CAMK4: variants seen among roughly 807,000 people sequenced by gnomAD.
The protein encoded by CAMK4 is calcium/calmodulin dependent protein kinase IV, also known as calcium/calmodulin-dependent protein kinase type IV.
CAMK4 carries 22 observed loss-of-function variants against 44.9 expected under a neutral mutation model. The ratio of observed to expected loss-of-function variants is 0.49; its 90% CI spans 0.35 to 0.70. The LOEUF (loss-of-function observed/expected upper bound fraction) is 0.70, where lower values mean the gene tolerates loss of function less well. CAMK4 is among the 30% of genes least tolerant of loss of function. CAMK4 has a pLI of 0.01. For synonymous variants in CAMK4, 218 were observed against 215.4 expected, an observed-to-expected ratio of 1.01 and a Z score of -0.11; for missense variants, 498 against 586.8, an observed-to-expected ratio of 0.85 and a Z score of 1.56.
Position 111,484,261 on chromosome 5 carries a change from C to G in CAMK4, c.1217C>G (p.Ala406Gly). The G allele has an allele frequency of 6.2e-7, 1 of 1,614,058 alleles. No homozygotes were observed. The highest frequency in any genetic ancestry group is 8.5e-7 in the Non-Finnish European group (1 of 1,179,992). ...CAAGCCTTAGAGAAAGTTAAAGGTG[C>G]AGATATAAATGCTGAAGAGGCCCCC... The part of the protein sequence containing the change: ...KVQALEKVKG[A>G]DINAEEAPKM... Residue 406 changes from alanine to glycine, a missense_variant, in exon 11 of 11, where the codon GCA (alanine) becomes GGA (glycine). By Grantham distance (60) the Ala-to-Gly change is moderately conservative. Around this residue, in one of 3 missense-constraint regions of CAMK4, gnomAD observed 143 missense variants for 144.9 expected, o/e 0.99. Transcript: ENST00000282356. This position sits in a 1 kb window ranked among gnomAD's most constrained non-coding sequence, Gnocchi z 5.3.
intron 5 of CAMK4, among the ~76,000 whole-genome samples, chr5:111,445,140 G>A (rs761917494): frequency 6.6e-6 from 1 of 152,128 alleles, no homozygotes; most frequent in Non-Finnish European, 1.5e-5. Flanking sequence ...AAATATTCAA[G>A]TGCTGGAATG....
At chr5:111,265,651 C>G (rs79908234) in intron 1 of CAMK4, among the ~76,000 whole-genome samples, 6,758 of 152,176 alleles carry the variant, frequency 0.044, 196 homozygotes, top group Middle Eastern at 0.068. Context: ...ACCCAATCTT[C>G]AAGGAATGCA....
intron 1 of CAMK4, among the ~76,000 whole-genome samples, chr5:111,330,092 A>G (rs2913713): frequency 8.9e-6 from 1 of 112,084 alleles, no homozygotes; most frequent in Admixed American, 8.7e-5. Context: ...ACTCCCCACC[A>G]CCCCTACAAA....
In CAMK4 at chr5:111,493,305, T is replaced by A. The variant is rs1197173152; in HGVS notation, c.*8839T>A. 1 of 152,082 alleles carries A rather than the reference T, an allele frequency of 6.6e-6. No individual in the cohort carries two copies. The highest frequency in any genetic ancestry group is 1.5e-5 in the Non-Finnish European group (1 of 68,016). The allele number at this position is 152,082 out of a possible 1,614,324, so 9.4% of individuals were successfully genotyped here. On this transcript the variant is annotated 3_prime_UTR_variant, in exon 11 of 11. Coordinates refer to ENST00000282356, the MANE Select transcript of CAMK4 (RefSeq NM_001744.6). The surrounding 1 kb of genome is among the most constrained non-coding windows in gnomAD (Gnocchi z 4.1). ...CAGGTTAAAGCAAAGCCTCAGTCAC[T>A]GAAAGCAAAAACTGAATTGGCCAGG...
At chr5:111,313,088 A>T (rs1262604986) in intron 1 of CAMK4, among the ~76,000 whole-genome samples, 2 of 152,030 alleles carry the variant, frequency 1.3e-5, no homozygotes, top group Admixed American at 6.6e-5. Flanking sequence ...GTAGGTCTCA[A>T]CTTAAGCCAG....
intron 1 of CAMK4, among the ~76,000 whole-genome samples, chr5:111,302,021 G>A (rs940655889): frequency 2.0e-5 from 3 of 152,218 alleles, no homozygotes; most frequent in Non-Finnish European, 4.4e-5. Flanking sequence ...GATGTTTGCT[G>A]AAGGGTAAAT....
At chr5:111,336,312 G>T (rs1749400881) in intron 1 of CAMK4, among the ~76,000 whole-genome samples, 1 of 151,090 alleles carries the variant, frequency 6.6e-6, no homozygotes, top group African/African-American at 2.4e-5. Context: ...TTGAAATGAA[G>T]ATGCAACACT....
rs1168772730 is a variant in CAMK4, at chr5:111,249,636, ATATATATATGTGTGTGTGTGTG to A, written c.161+25016_161+25037del. On this transcript the variant is annotated intron_variant, in intron 1 of 10. Coordinates refer to ENST00000282356, the MANE Select transcript of CAMK4 (RefSeq NM_001744.6). ...TTCTTTTATATTTGTGTGTATATATATATATATATGTGTGTGTGTGTGTATATATATGTGTGTGTGTGTGTGT... is the reference window on the plus strand; with the variant it reads ...TTCTTTTATATTTGTGTGTATATATATATATATATGTGTGTGTGTGTGTGT... 7.0e-5 allele frequency among the ~76,000 whole-genome samples: 9 copies of A among 128,014 alleles called. No homozygotes were observed. In the South Asian group the frequency reaches 1.5e-3, roughly 21 times the overall value. The allele number at this position is 128,014 out of a possible 152,430, so 84.0% of individuals were successfully genotyped here.
chr5:111,388,904 C>A lies in CAMK4; in HGVS notation c.387-5806C>A, dbSNP rs568357633. 2.7e-4 allele frequency among the ~76,000 whole-genome samples: 41 copies of A among 152,298 alleles called. 1 individual carries two copies. In the South Asian group the frequency reaches 8.5e-3, roughly 32 times the overall value. ...ACTATTCTTCATATACCTACTACTC[C>A]TCTCTCCCTCCCACATGAACACAGC... On this transcript the variant is annotated intron_variant, in intron 4 of 10. Coordinates refer to ENST00000282356, the MANE Select transcript of CAMK4 (RefSeq NM_001744.6).
chr5:111,231,297 C>G (rs946221850), intron 1 of CAMK4, among the ~76,000 whole-genome samples: 1 of 152,142 alleles, frequency 6.6e-6, no homozygotes, highest in Non-Finnish European at 1.5e-5. Context: ...TTCCTCTTTT[C>G]TCTTAGACTA....
In CAMK4 at chr5:111,452,643, A is replaced by G. The variant is rs766311044; in HGVS notation, c.625+3440A>G. Among the ~76,000 whole-genome samples, 36 of 152,208 alleles carry G rather than the reference A, an allele frequency of 2.4e-4. 1 individual carries two copies. The highest frequency in any genetic ancestry group is 1.3e-3 in the Admixed American group (20 of 15,278). Reference sequence around the variant, plus strand: ...TAAAATATTTAAAAATTGTAAAAATACTGTTTTAATATATTGTCCTTTCCA... The same window carrying G: ...TAAAATATTTAAAAATTGTAAAAATGCTGTTTTAATATATTGTCCTTTCCA... On this transcript the variant is annotated intron_variant, in intron 7 of 10. Transcript: ENST00000282356.
At chr5:111,237,926 C>G (rs761267995) in intron 1 of CAMK4, among the ~76,000 whole-genome samples, 7 of 152,228 alleles carry the variant, frequency 4.6e-5, no homozygotes, top group Non-Finnish European at 8.8e-5. Context: ...AGAAATGCAG[C>G]TTGACATAAC....
intron 1 of CAMK4, among the ~76,000 whole-genome samples, chr5:111,244,081 T>G (rs1000050513): frequency 6.6e-6 from 1 of 152,206 alleles, no homozygotes; most frequent in Admixed American, 6.5e-5. Context: ...TTCTGCACTT[T>G]TGTCTCTGAC....
chr5:111,259,290 T>A (rs920564819), intron 1 of CAMK4, among the ~76,000 whole-genome samples: 1 of 152,082 alleles, frequency 6.6e-6, no homozygotes, highest in African/African-American at 2.4e-5. Context: ...AACTTAAGAG[T>A]CTCTAAATAA....
chr5:111,406,803 A>G (rs1321947621), intron 5 of CAMK4, among the ~76,000 whole-genome samples: 1 of 152,188 alleles, frequency 6.6e-6, no homozygotes, highest in Non-Finnish European at 1.5e-5. Flanking sequence ...TACCTCAAGG[A>G]AATGCCTCAG....
intron 2 of CAMK4, among the ~76,000 whole-genome samples, chr5:111,355,172 C>T (rs1399492549): frequency 6.6e-6 from 1 of 152,046 alleles, no homozygotes. Flanking sequence ...AGCTTTCAGA[C>T]AATGAGCCGT....
intron 4 of CAMK4, among the ~76,000 whole-genome samples, chr5:111,388,972 T>A (rs1223236568): frequency 6.6e-6 from 1 of 152,162 alleles, no homozygotes; most frequent in African/African-American, 2.4e-5. Context: ...GCCCTAGACA[T>A]TCCCACAAGA....
At chr5:111,374,944 A>G in intron 3 of CAMK4, 32 bp downstream of exon 3, 1 of 1,471,094 alleles carries the variant, frequency 6.8e-7, no homozygotes, top group East Asian at 2.3e-5. Context: ...ATTTCAAATG[A>G]TTGCCAGAGC....
At chr5:111,223,918 C>T (rs1175149034), upstream of CAMK4, 3 of 153,680 alleles carry the variant, frequency 2.0e-5, no homozygotes, top group African/African-American at 7.2e-5. This position sits in a 1 kb window ranked among gnomAD's most constrained non-coding sequence, Gnocchi z 4.3. Context: ...CCACCACCAC[C>T]TAGGTCCCTC....
Sources: allele counts gnomAD v4.1 joint callset (sites outside exome capture counted in the v4.1 genomes callset), GRCh38; gene constraint gnomAD v4.1.1; regional missense constraint gnomAD v4.1.1; non-coding constraint Gnocchi (gnomAD v3.1); transcripts MANE v1.5; gene names NCBI Gene and HGNC (gene_info 2026-07-23, HGNC 2026-07-21).